ERC1: variants seen among roughly 807,000 people sequenced by gnomAD.
The protein encoded by ERC1 is ELKS/RAB6-interacting/CAST family member 1, also known as RAB6 interacting protein 2.
A neutral mutation model predicts 132.0 loss-of-function variants in ERC1; 56 were observed. That is an observed-to-expected ratio of 0.42 (90% CI 0.34 to 0.53). The LOEUF is 0.53. ERC1 is among the 20% of genes least tolerant of loss of function. The pLI is 0.03. For missense variants in ERC1, 1,202 were observed against 1,349.9 expected (o/e 0.89, Z 1.72); for synonymous variants, 478 against 476.1 (o/e 1.00, Z -0.05).
rs372742938 is a variant in ERC1 at position 1,432,851 on chromosome 12, C to T, written c.3025-11711C>T. Among the ~76,000 whole-genome samples, 4 of 152,234 alleles carry T rather than the reference C, an allele frequency of 2.6e-5. No individual in the cohort carries two copies. In the South Asian group the frequency reaches 8.3e-4, roughly 32 times the overall value. Reference sequence around the variant, plus strand: ...GATGTCATAGCACATAAGTGATACACATCTGTCTCTAGTGAGCGTAGCCTC... The same window carrying T: ...GATGTCATAGCACATAAGTGATACATATCTGTCTCTAGTGAGCGTAGCCTC... On this transcript the variant is annotated intron_variant, in intron 17 of 18. Coordinates refer to ENST00000360905, the MANE Select transcript of ERC1 (RefSeq NM_178040.4).
intron 17 of ERC1, among the ~76,000 whole-genome samples, chr12:1,441,261 G>A (rs540978353): frequency 1.7e-4 from 25 of 151,192 alleles, no homozygotes; most frequent in African/African-American, 5.1e-4. Flanking sequence ...GGGTTTCACC[G>A]TATTGGCCAG....
chr12:1,047,100 TC>T (rs975636344), intron 2 of ERC1, among the ~76,000 whole-genome samples: 14 of 152,160 alleles, frequency 9.2e-5, no homozygotes, highest in Admixed American at 7.9e-4. Flanking sequence ...GATTGAAATG[TC>T]CTACTTATTG....
intron 8 of ERC1, among the ~76,000 whole-genome samples, chr12:1,146,625 TTA>T (rs1491574243): frequency 2.4e-4 from 36 of 151,806 alleles, no homozygotes; most frequent in African/African-American, 8.2e-4. Context: ...TTTTTTTTTT[TTA>T]AATTTTATTA....
At chr12:1,473,924 T>C (rs2093919228) in intron 18 of ERC1, among the ~76,000 whole-genome samples, 1 of 152,150 alleles carries the variant, frequency 6.6e-6, no homozygotes, top group South Asian at 2.1e-4. Flanking sequence ...TTTAGAGGGA[T>C]TGTAGAGGGT....
intron 3 of ERC1, among the ~76,000 whole-genome samples, chr12:1,103,019 CTT>C (rs1364651609): frequency 2.6e-5 from 4 of 152,128 alleles, no homozygotes; most frequent in Non-Finnish European, 4.4e-5. Flanking sequence ...TCTTTTTCCT[CTT>C]TTCTTTACCA....
At chr12:1,096,816 A>C (rs768393861) in intron 3 of ERC1, among the ~76,000 whole-genome samples, 2 of 152,216 alleles carry the variant, frequency 1.3e-5, no homozygotes, top group African/African-American at 2.4e-5. Context: ...TAGAAATAGA[A>C]CTTTCACAGC....
intron 12 of ERC1, among the ~76,000 whole-genome samples, chr12:1,223,716 A>G (rs1453331410): frequency 6.6e-6 from 1 of 152,100 alleles, no homozygotes; most frequent in African/African-American, 2.4e-5. Context: ...TTCACTGTTT[A>G]TTATAATAGT....
chr12:1,394,214 C>A (rs894624912), intron 16 of ERC1, among the ~76,000 whole-genome samples: 1 of 151,102 alleles, frequency 6.6e-6, no homozygotes, highest in Non-Finnish European at 1.5e-5. Context: ...TCCTGGCTAA[C>A]ACGGTGAAAC....
intron 14 of ERC1, among the ~76,000 whole-genome samples, chr12:1,265,967 G>T (rs1334315111): frequency 6.6e-6 from 1 of 152,098 alleles, no homozygotes; most frequent in Non-Finnish European, 1.5e-5. Context: ...GGACGTCTTG[G>T]TACCATTCAG....
intron 12 of ERC1, among the ~76,000 whole-genome samples, chr12:1,210,144 G>C (rs1022272659): frequency 1.3e-5 from 2 of 152,190 alleles, no homozygotes; most frequent in Non-Finnish European, 2.9e-5. Flanking sequence ...ACAAACTTCA[G>C]AACTATTGAG....
chr12:1,045,385 T>C (rs553914704), intron 2 of ERC1, among the ~76,000 whole-genome samples: 11 of 152,142 alleles, frequency 7.2e-5, no homozygotes, highest in Non-Finnish European at 1.3e-4. Context: ...GTGATGCTGT[T>C]ATCAAAGGCA....
intron 16 of ERC1, among the ~76,000 whole-genome samples, 183 bp from the exon 17 acceptor site, chr12:1,407,966 C>A (rs1245600158): frequency 6.6e-6 from 1 of 152,116 alleles, no homozygotes; most frequent in Non-Finnish European, 1.5e-5. Context: ...GGGGGAGGCA[C>A]AATTCAGCCC....
rs576616501 is a variant in ERC1, at chr12:1,235,869, G to A, written c.2352-900G>A. On this transcript the variant is annotated intron_variant, in intron 12 of 18. Transcript: ENST00000360905. Reference sequence around the variant, plus strand: ...CAGGTATATCAGAGTGCACCTAGCAGCATTATTTAAAATGGCAAGAAGATG... The same window carrying A: ...CAGGTATATCAGAGTGCACCTAGCAACATTATTTAAAATGGCAAGAAGATG... Among the ~76,000 whole-genome samples, 145 of 152,270 alleles carry A rather than the reference G, an allele frequency of 9.5e-4. 1 individual carries two copies. The highest frequency in any genetic ancestry group is 1.2e-4 in the Non-Finnish European group (8 of 68,022).
chr12:1,450,098 T>C (rs953628579), intron 18 of ERC1, among the ~76,000 whole-genome samples: 1 of 152,242 alleles, frequency 6.6e-6, no homozygotes, highest in Non-Finnish European at 1.5e-5. Context: ...TTCCTCCATA[T>C]ATTATAAAAG....
At chr12:1,372,483 A>G (rs1168594002) in intron 16 of ERC1, among the ~76,000 whole-genome samples, 1 of 152,248 alleles carries the variant, frequency 6.6e-6, no homozygotes. Context: ...AAAAGCTAAA[A>G]GTTTCCCCTT....
At position 1,304,779 on chromosome 12, in the gene ERC1, CTTTTTTTTTTTTTT is replaced by C. The variant is rs1186965322; in HGVS notation, c.2780+14782_2780+14795del. ...GTGAAGTCTTCTGTTTGTTGTAACTCTTTTTTTTTTTTTTTTTTTTTTTTTTTTGAGACGGAGTC... is the reference window on the plus strand; with the variant it reads ...GTGAAGTCTTCTGTTTGTTGTAACTCTTTTTTTTTTTTTTGAGACGGAGTC... On this transcript the variant is annotated intron_variant, in intron 15 of 18. Coordinates refer to ENST00000360905, the MANE Select transcript of ERC1 (RefSeq NM_178040.4). Among the ~76,000 whole-genome samples, 623 of 70,096 alleles carry C rather than the reference CTTTTTTTTTTTTTT, an allele frequency of 8.9e-3. 9 individuals are homozygous for C. Among genetic ancestry groups the C allele is most frequent in the Middle Eastern group, 0.03 (2 of 66 alleles). The allele number at this position is 70,096 out of a possible 152,430, so 46.0% of individuals were successfully genotyped here. A position where few individuals can be genotyped will look rare whatever the true frequency, so the allele number is the denominator to read the frequency against.
intron 16 of ERC1, among the ~76,000 whole-genome samples, chr12:1,395,852 C>T (rs2090494312): frequency 6.6e-6 from 1 of 151,670 alleles, no homozygotes; most frequent in African/African-American, 2.4e-5. Context: ...GTTGAAAGAA[C>T]AGATGTCTTG....
intron 2 of ERC1, among the ~76,000 whole-genome samples, chr12:1,055,684 G>A (rs1257566739): frequency 6.6e-6 from 1 of 152,232 alleles, no homozygotes; most frequent in Admixed American, 6.5e-5. Flanking sequence ...GCAGCATAGT[G>A]TAAAAAGCGC....
chr12:1,309,960 TG>T (rs112762209), intron 15 of ERC1, among the ~76,000 whole-genome samples: 5,120 of 151,136 alleles, frequency 0.034, 99 homozygotes, highest in Middle Eastern at 0.072. Flanking sequence ...TGTTTTGTTT[TG>T]TTTTGAGACA....
Sources: gnomAD v4.1 joint callset for allele counts (sites outside exome capture counted in the v4.1 genomes callset) on GRCh38, gnomAD v4.1.1 for gene constraint, MANE v1.5 for transcripts, NCBI Gene and HGNC (gene_info 2026-07-23, HGNC 2026-07-21) for gene names.